Variants in EPHX2 observed in about 807,000 individuals in gnomAD.
The protein encoded by EPHX2 is epoxide hydrolase 2.
In EPHX2, 74 loss-of-function variants were observed where a neutral mutation model predicts 78.7. The observed-to-expected ratio is 0.94, with a 90% CI of 0.78 to 1.14. The LOEUF is 1.14. EPHX2 is among the 50% of genes most tolerant of loss of function. EPHX2 has a pLI of 0.00. For missense variants in EPHX2, 715 were observed against 702.5 expected, an observed-to-expected ratio of 1.02 and a Z score of -0.20; for synonymous variants, 251 against 255.2, an observed-to-expected ratio of 0.98 and a Z score of 0.16.
At chr8:27,518,750 G>A (rs1814547203) in intron 9 of EPHX2, among the ~76,000 whole-genome samples, 1 of 152,242 alleles carries the variant, frequency 6.6e-6, no homozygotes, top group Non-Finnish European at 1.5e-5. Flanking sequence ...GTGCCCCACA[G>A]CTTCATGCGC....
chr8:27,497,045 T>C (rs1586428102), intron 1 of EPHX2, among the ~76,000 whole-genome samples: 1 of 152,208 alleles, frequency 6.6e-6, no homozygotes, highest in African/African-American at 2.4e-5. Flanking sequence ...TTACAGGCTG[T>C]CCCAGGATTC....
At chr8:27,535,082 A>G (rs562310255) in intron 12 of EPHX2, among the ~76,000 whole-genome samples, 2 of 152,328 alleles carry the variant, frequency 1.3e-5, no homozygotes, top group Admixed American at 6.5e-5. Flanking sequence ...AGGGAAGGAG[A>G]GGAGAGTCAG....
At chr8:27,517,927 T>C (rs1814517494) in intron 8 of EPHX2, 111 bp from the exon 9 acceptor site, 1 of 813,716 alleles carries the variant, frequency 1.2e-6, no homozygotes, top group African/African-American at 1.8e-5. Flanking sequence ...TTTTGTGGGT[T>C]TTTGTTGTTG....
chr8:27,516,751 C>T (rs891697767), intron 8 of EPHX2, among the ~76,000 whole-genome samples: 1 of 152,174 alleles, frequency 6.6e-6, no homozygotes, highest in South Asian at 2.1e-4. Context: ...CTCTCCCCAA[C>T]CCCTGACAAC....
At chr8:27,509,728 C>T (rs1814163171) in intron 5 of EPHX2, among the ~76,000 whole-genome samples, 1 of 152,176 alleles carries the variant, frequency 6.6e-6, no homozygotes, top group Non-Finnish European at 1.5e-5. Flanking sequence ...TTTTTCACAG[C>T]AGTTATACCC....
chr8:27,495,784 C>G (rs1474516628), intron 1 of EPHX2, among the ~76,000 whole-genome samples: 1 of 152,176 alleles, frequency 6.6e-6, no homozygotes, highest in East Asian at 1.9e-4. Context: ...TGGGGTTGTC[C>G]CACGAGTCTG....
intron 4 of EPHX2, 150 bp downstream of exon 4, chr8:27,505,296 T>C: frequency 2.6e-6 from 2 of 759,420 alleles, no homozygotes; most frequent in Non-Finnish European, 4.3e-6. Context: ...CCTAGAAGAC[T>C]GTTACCCATT....
chr8:27,513,159 C>T (rs960771122), intron 6 of EPHX2, among the ~76,000 whole-genome samples: 2 of 152,132 alleles, frequency 1.3e-5, no homozygotes, highest in African/African-American at 4.8e-5. Context: ...TGGGTTCTGC[C>T]AGGGTGGAGG....
At chr8:27,520,347 T>G (rs748143131) in intron 9 of EPHX2, among the ~76,000 whole-genome samples, 3 of 151,342 alleles carry the variant, frequency 2.0e-5, no homozygotes, top group African/African-American at 4.9e-5. Flanking sequence ...TGTTTTGTTT[T>G]GTTTTGGGTT....
At chr8:27,500,618 G>A (rs1483322318) in intron 1 of EPHX2, among the ~76,000 whole-genome samples, 6 of 152,158 alleles carry the variant, frequency 3.9e-5, no homozygotes, top group Non-Finnish European at 7.3e-5. Flanking sequence ...TAATGGCCGC[G>A]TGCCCACTCT....
chr8:27,517,914 AGTTTTTGTGG>A (rs779944195), intron 8 of EPHX2, 114 bp from the exon 9 acceptor site: 6 of 731,680 alleles, frequency 8.2e-6, no homozygotes, highest in African/African-American at 1.8e-5. Context: ...GGATTTAGTA[AGTTTTTGTGG>A]GTTTTTGTTG....
chr8:27,525,736 A>G (rs1191148016), intron 12 of EPHX2, among the ~76,000 whole-genome samples: 1 of 152,172 alleles, frequency 6.6e-6, no homozygotes, highest in African/African-American at 2.4e-5. Flanking sequence ...TGTCTCTGCA[A>G]TTGCAGAGTT....
At chr8:27,547,694 C>T (rs1375369337), downstream of EPHX2, among the ~76,000 whole-genome samples, 2 of 152,146 alleles carry the variant, frequency 1.3e-5, no homozygotes, top group African/African-American at 4.8e-5. Flanking sequence ...AAATCCCTCC[C>T]TATCCCCCAC....
At chr8:27,543,474 C>T (rs72478905) in intron 16 of EPHX2, among the ~76,000 whole-genome samples, 23 of 152,236 alleles carry the variant, frequency 1.5e-4, no homozygotes, top group Non-Finnish European at 2.5e-4. Context: ...TGTCTTCTGC[C>T]TTCTTGGTGC....
At chr8:27,522,344 G>A in intron 10 of EPHX2, 79 bp from the exon 11 acceptor site, 1 of 1,422,486 alleles carries the variant, frequency 7.0e-7, no homozygotes, top group Non-Finnish European at 9.8e-7. Context: ...GTGTCGAGGG[G>A]CTGGCTGATG....
At position 27,536,833 on chromosome 8, in the gene EPHX2, G is replaced by T. The variant is rs4149251; in HGVS notation, c.1220G>T (p.Ser407Ile). The change falls in exon 13 of 19, where the codon AGC becomes ATC. Residue 407 changes from serine to isoleucine, a missense_variant. Coordinates refer to ENST00000521400, the MANE Select transcript of EPHX2 (RefSeq NM_001979.6). ...CAGAACCTGAGTCGGACTTTCAAAAGCCTCTTCAGAGCAAGCGATGAGGTG... is the reference window on the plus strand; with the variant it reads ...CAGAACCTGAGTCGGACTTTCAAAATCCTCTTCAGAGCAAGCGATGAGGTG... ...LEQNLSRTFK[S>I]LFRASDESVL... The T allele has an allele frequency of 1.0e-4, 162 of 1,613,876 alleles. 1 individual carries two copies. The East Asian group carries it at 3.5e-3, about 35-fold the overall frequency.
At chr8:27,493,912 A>G (rs1813478073) in intron 1 of EPHX2, among the ~76,000 whole-genome samples, 1 of 152,180 alleles carries the variant, frequency 6.6e-6, no homozygotes, top group African/African-American at 2.4e-5. Context: ...CCATTGGAGA[A>G]AAAACCGTTT....
At chr8:27,519,201 A>T (rs1232675499) in intron 9 of EPHX2, among the ~76,000 whole-genome samples, 5 of 152,226 alleles carry the variant, frequency 3.3e-5, no homozygotes, top group Non-Finnish European at 7.3e-5. Flanking sequence ...ACAGCCAAAA[A>T]TGGAGACAAC....
intron 14 of EPHX2, among the ~76,000 whole-genome samples, chr8:27,539,582 A>G (rs536399148): frequency 1.3e-5 from 2 of 152,234 alleles, no homozygotes; most frequent in East Asian, 3.9e-4. Context: ...TCTGTCACTC[A>G]TTCATTCACC....
Sources: allele counts gnomAD v4.1 joint callset (sites outside exome capture counted in the v4.1 genomes callset), GRCh38; gene constraint gnomAD v4.1.1; transcripts MANE v1.5; gene names NCBI Gene and HGNC (gene_info 2026-07-23, HGNC 2026-07-21).